VRK1: variants seen among roughly 807,000 people sequenced by gnomAD.
VRK1 encodes the protein serine/threonine-protein kinase VRK1.
In VRK1, 33 loss-of-function variants were observed where a neutral mutation model predicts 57.1. That is an observed-to-expected ratio of 0.58 (90% confidence interval 0.44 to 0.77). The LOEUF (loss-of-function observed/expected upper bound fraction) is 0.77, where lower values mean the gene tolerates loss of function less well. VRK1 is among the 30% of genes least tolerant of loss of function. The pLI, the probability that VRK1 is intolerant of heterozygous loss-of-function variation, is 0.00. For missense variants in VRK1, 413 were observed against 477.3 expected (o/e 0.87, Z 1.25); for synonymous variants, 137 against 147.8 (o/e 0.93, Z 0.53).
At position 96,855,330 on chromosome 14, in the gene VRK1, C is replaced by T. The variant is rs146113610; in HGVS notation, c.683C>T (p.Thr228Met). The T allele has an allele frequency of 7.1e-5, 115 of 1,613,892 alleles. No homozygotes were observed. The highest frequency in any genetic ancestry group is 8.3e-5 in the Non-Finnish European group (98 of 1,179,966). The change falls in exon 8 of 13, where the codon ACG becomes ATG. Residue 228 changes from threonine (T) to methionine (M), a missense_variant. This residue lies in a region of VRK1 where 151 missense variants were observed against 225.5 expected (regional missense o/e 0.67). Coordinates refer to ENST00000216639, the MANE Select transcript of VRK1 (RefSeq NM_003384.3). ...KRCHDGTIEFTSIDAHNGVAP... is the reference protein window; with the variant it reads ...KRCHDGTIEFMSIDAHNGVAP... ...TGTCACGATGGCACTATTGAATTCA[C>T]GAGCATCGATGCACACAATGGCGTG... is the stretch of plus-strand genomic sequence containing the variant.
intron 1 of VRK1, among the ~76,000 whole-genome samples, chr14:96,821,527 A>G (rs1886596914): frequency 6.6e-6 from 1 of 152,194 alleles, no homozygotes. Flanking sequence ...CTGTTTTCTA[A>G]AAAACATTGA....
At chr14:96,860,428 T>C (rs1888339265) in intron 10 of VRK1, 129 bp from the exon 11 acceptor site, 2 of 841,892 alleles carry the variant, frequency 2.4e-6, no homozygotes, top group East Asian at 2.7e-5. Context: ...ATTGAAGTGA[T>C]TGAAAAAAAT....
intron 3 of VRK1, among the ~76,000 whole-genome samples, chr14:96,841,504 A>G (rs1192342972): frequency 6.6e-6 from 1 of 152,050 alleles, no homozygotes; most frequent in East Asian, 1.9e-4. Context: ...TCTCTTTTGC[A>G]TTTAATATTT....
intron 12 of VRK1, among the ~76,000 whole-genome samples, chr14:96,876,916 A>T (rs1338452527): frequency 6.6e-6 from 1 of 152,172 alleles, no homozygotes; most frequent in Non-Finnish European, 1.5e-5. Context: ...CAAAGGGCAG[A>T]GCTAGGTTGG....
At chr14:96,827,761 AATTG>A (rs752093914) in intron 1 of VRK1, among the ~76,000 whole-genome samples, 8 of 151,956 alleles carry the variant, frequency 5.3e-5, no homozygotes, top group South Asian at 2.1e-4. Context: ...TTCTTGTTTT[AATTG>A]ATTGTTTGTT....
intron 5 of VRK1, among the ~76,000 whole-genome samples, chr14:96,848,165 T>C (rs1887788607): frequency 6.6e-6 from 1 of 152,156 alleles, no homozygotes. Context: ...TGCCCTCCTC[T>C]TCTTGGTTTT....
chr14:96,817,741 A>C (rs1172425707), intron 1 of VRK1, among the ~76,000 whole-genome samples: 6 of 152,228 alleles, frequency 3.9e-5, no homozygotes, highest in Non-Finnish European at 7.3e-5. Context: ...ATGAATGAGA[A>C]ATCTATTTAC....
At chr14:96,837,525 A>G (rs1450561435) in intron 2 of VRK1, among the ~76,000 whole-genome samples, 1 of 152,192 alleles carries the variant, frequency 6.6e-6, no homozygotes, top group Non-Finnish European at 1.5e-5. Flanking sequence ...AGTTTCCCAT[A>G]TGTAATTGAT....
intron 1 of VRK1, among the ~76,000 whole-genome samples, chr14:96,826,179 T>C (rs1886794342): frequency 6.6e-6 from 1 of 152,202 alleles, no homozygotes; most frequent in Non-Finnish European, 1.5e-5. Context: ...TTAATATTCA[T>C]AGCAGAACTT....
chr14:96,870,778 A>T (rs745512806), intron 11 of VRK1, among the ~76,000 whole-genome samples: 4 of 152,180 alleles, frequency 2.6e-5, no homozygotes, highest in Non-Finnish European at 4.4e-5. Flanking sequence ...AGATCATGTA[A>T]TCAAGGGTTA....
chr14:96,841,962 C>A (rs985892364), intron 3 of VRK1, among the ~76,000 whole-genome samples: 14 of 152,182 alleles, frequency 9.2e-5, no homozygotes, highest in African/African-American at 3.4e-4. Flanking sequence ...GAATAAACAC[C>A]TACAGCACTC....
chr14:96,801,755 T>G (rs908373407), intron 1 of VRK1, among the ~76,000 whole-genome samples: 3 of 152,112 alleles, frequency 2.0e-5, no homozygotes, highest in Admixed American at 2.0e-4. Flanking sequence ...GAAAAGAAAA[T>G]ATTATTAAGA....
At chr14:96,822,227 T>C (rs1886630890) in intron 1 of VRK1, among the ~76,000 whole-genome samples, 2 of 152,200 alleles carry the variant, frequency 1.3e-5, no homozygotes, top group African/African-American at 2.4e-5. Context: ...TCTTGTCTTG[T>C]AGAACAGTTC....
At chr14:96,842,452 G>A (rs117733497) in intron 3 of VRK1, among the ~76,000 whole-genome samples, 17 of 152,088 alleles carry the variant, frequency 1.1e-4, no homozygotes, top group Non-Finnish European at 1.8e-4. Flanking sequence ...ACTCTTTGGG[G>A]AAGTTTTATA....
At chr14:96,873,848 C>T (rs1310064098) in intron 11 of VRK1, among the ~76,000 whole-genome samples, 1 of 152,134 alleles carries the variant, frequency 6.6e-6, no homozygotes, top group Non-Finnish European at 1.5e-5. Flanking sequence ...ATGCAGACTA[C>T]GTACATTATT....
chr14:96,830,293 C>T (rs1202711080), intron 1 of VRK1, among the ~76,000 whole-genome samples: 2 of 151,960 alleles, frequency 1.3e-5, no homozygotes, highest in African/African-American at 2.4e-5. Flanking sequence ...TTTTAATATT[C>T]TGTTCCCTTG....
intron 11 of VRK1, 48 bp from the exon 12 acceptor site, chr14:96,875,982 A>C: frequency 6.3e-7 from 1 of 1,587,690 alleles, no homozygotes; most frequent in Non-Finnish European, 8.6e-7. Flanking sequence ...TTTGTAGTTT[A>C]CTTGACTGTC....
At chr14:96,834,484 G>A (rs1887137690) in intron 2 of VRK1, among the ~76,000 whole-genome samples, 1 of 152,180 alleles carries the variant, frequency 6.6e-6, no homozygotes, top group South Asian at 2.1e-4. Flanking sequence ...GGGCCCAGCA[G>A]TGTTTGTTCA....
chr14:96,815,526 TAA>T (rs1886359165), intron 1 of VRK1, among the ~76,000 whole-genome samples: 1 of 152,012 alleles, frequency 6.6e-6, no homozygotes, highest in Admixed American at 6.6e-5. Flanking sequence ...TTTTAAAACT[TAA>T]AGAGGAAAAT....
Sources: gnomAD v4.1 joint callset for allele counts (sites outside exome capture counted in the v4.1 genomes callset) on GRCh38, gnomAD v4.1.1 for gene constraint, gnomAD v4.1.1 regional missense constraint, MANE v1.5 for transcripts, NCBI Gene and HGNC (gene_info 2026-07-23, HGNC 2026-07-21) for gene names.